The following PTPRG variants were observed in gnomAD, a reference collection of about 807,000 sequenced individuals.
The protein encoded by PTPRG is protein tyrosine phosphatase receptor type G.
In PTPRG, 102 loss-of-function variants were observed where a neutral mutation model predicts 165.3. That is an observed-to-expected ratio of 0.62 (90% confidence interval 0.53 to 0.73). The LOEUF (loss-of-function observed/expected upper bound fraction) is 0.73, where lower values mean the gene tolerates loss of function less well. Among genes scored for constraint, PTPRG ranks in the 30% least tolerant of loss-of-function variants. PTPRG has a pLI of 0.00. For synonymous variants in PTPRG, 675 were observed against 669.5 expected (o/e 1.01, Z -0.13); for missense variants, 1,866 against 1,861.4 (o/e 1.00, Z -0.05).
chr3:62,181,892 C>T (rs1457327167), intron 8 of PTPRG, among the ~76,000 whole-genome samples: 1 of 152,096 alleles, frequency 6.6e-6, no homozygotes, highest in African/African-American at 2.4e-5. Context: ...TCCTGAACAC[C>T]ATGGAGATTG....
intron 1 of PTPRG, among the ~76,000 whole-genome samples, chr3:61,657,250 C>T (rs1281963080): frequency 6.6e-6 from 1 of 152,084 alleles, no homozygotes; most frequent in African/African-American, 2.4e-5. Flanking sequence ...CGTTCCTTTC[C>T]TCTGGGCATG....
intron 4 of PTPRG, among the ~76,000 whole-genome samples, chr3:62,073,198 C>G (rs1043608644): frequency 6.6e-6 from 1 of 152,112 alleles, no homozygotes; most frequent in Admixed American, 6.5e-5. Flanking sequence ...AAAGCAATTC[C>G]TTACTCTAGA....
Position 62,191,654 on chromosome 3 carries a change from G to C in PTPRG, c.1218+1G>C. 1 of 1,613,658 alleles carries C rather than the reference G, an allele frequency of 6.2e-7. No individual in the cohort carries two copies. On this transcript the variant is annotated splice_donor_variant, in intron 9 of 29. Transcript: ENST00000474889. LOFTEE classifies it high-confidence loss of function. ...TACAAAGGACAGCGACAAAGACTTG[G>C]TATGAAGCCCCTCCTCTGATTCAGG...
rs532062626 is a variant in PTPRG at position 61,562,121 on chromosome 3, C to T, written c.-167C>T. Reference sequence around the variant, plus strand: ...TTTTTGAGATTTTCCGGGGGGCGCTCGGCGGCTTCCCGGATTCCAAGGGGA... The same window carrying T: ...TTTTTGAGATTTTCCGGGGGGCGCTTGGCGGCTTCCCGGATTCCAAGGGGA... On this transcript the variant is annotated 5_prime_UTR_variant, in exon 1 of 30. Transcript: ENST00000474889. 112 of 534,540 alleles carry T rather than the reference C, an allele frequency of 2.1e-4. 1 individual carries two copies. Among genetic ancestry groups the T allele is most frequent in the Middle Eastern group, 5.4e-4 (1 of 1,866 alleles). 33.1% of individuals were successfully genotyped at this position (534,540 alleles called of 1,614,324 possible). A position where few individuals can be genotyped will look rare whatever the true frequency, so the allele number is the denominator to read the frequency against.
rs375427063 is a variant in PTPRG, at chr3:62,136,610, G to A, written c.682+3942G>A. ...CCTAAATCTCATCTTGAATTCCCAC[G>A]TGTTGTGGGAGGGACCCAGTGGGAG... On this transcript the variant is annotated intron_variant, in intron 6 of 29. Transcript: ENST00000474889. Among the ~76,000 whole-genome samples the A allele has an allele frequency of 1.1e-3, 160 of 152,288 alleles. 5 individuals carry two copies. In the South Asian group the frequency reaches 0.03, roughly 29 times the overall value.
chr3:61,940,633 T>C lies in PTPRG; in HGVS notation c.191-48992T>C, dbSNP rs553798237. ...TTATTCTGGTTTTTATTGATTTCTA[T>C]GGATTCAGTAGATGCTTTTATTTAT... On this transcript the variant is annotated intron_variant, in intron 2 of 29. Coordinates refer to ENST00000474889, the MANE Select transcript of PTPRG (RefSeq NM_002841.4). Among the ~76,000 whole-genome samples the C allele has an allele frequency of 2.0e-5, 3 of 152,088 alleles. No individual in the cohort carries two copies. The East Asian group carries it at 5.8e-4, about 29-fold the overall frequency.
At chr3:62,183,502 T>TGCA (rs1467149455) in intron 8 of PTPRG, among the ~76,000 whole-genome samples, 1 of 150,822 alleles carries the variant, frequency 6.6e-6, no homozygotes, top group African/African-American at 2.4e-5. Context: ...AGGCAGAGGT[T>TGCA]GCAGTGAGCC....
chr3:62,118,445 A>G (rs1702942741), intron 5 of PTPRG: 1 of 152,214 alleles, frequency 6.6e-6, no homozygotes, highest in Non-Finnish European at 1.5e-5. Flanking sequence ...GACTTGGAAG[A>G]CCTTGTGTTT....
intron 5 of PTPRG, among the ~76,000 whole-genome samples, chr3:62,125,429 G>A (rs1252468345): frequency 6.6e-6 from 1 of 152,124 alleles, no homozygotes; most frequent in African/African-American, 2.4e-5. Context: ...TCCAGGGAAT[G>A]AAAAAACAAG....
chr3:62,258,839 T>G (rs1235581994), intron 16 of PTPRG, among the ~76,000 whole-genome samples: 1 of 152,174 alleles, frequency 6.6e-6, no homozygotes, highest in African/African-American at 2.4e-5. Context: ...AGGGAGTAGT[T>G]TCCCAGAGTA....
intron 6 of PTPRG, among the ~76,000 whole-genome samples, chr3:62,147,674 G>C (rs2106665708): frequency 6.6e-6 from 1 of 152,294 alleles, no homozygotes; most frequent in Middle Eastern, 3.4e-3. Flanking sequence ...TATACCAATA[G>C]CTACTGTGCT....
chr3:62,113,489 A>G (rs186371288), intron 5 of PTPRG, among the ~76,000 whole-genome samples: 1 of 152,354 alleles, frequency 6.6e-6, no homozygotes, highest in Admixed American at 6.5e-5. Flanking sequence ...TCCAAATCGT[A>G]AAATACACAT....
intron 2 of PTPRG, among the ~76,000 whole-genome samples, chr3:61,894,364 G>C (rs1220512445): frequency 6.8e-6 from 1 of 147,466 alleles, no homozygotes; most frequent in Non-Finnish European, 1.5e-5. Flanking sequence ...TGGTGCTGGA[G>C]GAGTTGGAAA....
At chr3:61,564,597 T>A (rs968611862) in intron 1 of PTPRG, among the ~76,000 whole-genome samples, 1 of 152,090 alleles carries the variant, frequency 6.6e-6, no homozygotes, top group African/African-American at 2.4e-5. Context: ...GGCGGTTTGG[T>A]TTGGAAAAGT....
rs545670560 is a variant in PTPRG at position 61,631,923 on chromosome 3, A to G, written c.85+69551A>G. ...AAATAATCAATTGCTGTAAAATGATATAGATGCTCTGATTGTAGCCTGGAT... is the reference window on the plus strand; with the variant it reads ...AAATAATCAATTGCTGTAAAATGATGTAGATGCTCTGATTGTAGCCTGGAT... On this transcript the variant is annotated intron_variant, in intron 1 of 29. Coordinates refer to ENST00000474889, the MANE Select transcript of PTPRG (RefSeq NM_002841.4). 2.0e-5 allele frequency among the ~76,000 whole-genome samples: 3 copies of G among 152,350 alleles called. No individual in the cohort carries two copies. In the South Asian group the frequency reaches 6.2e-4, roughly 32 times the overall value.
At position 62,003,460 on chromosome 3, in the gene PTPRG, C is replaced by G; in HGVS notation, c.482C>G (p.Ser161Cys). ...HWGHSNGSAG[S>C]EHSINGRRFP... is the part of the protein sequence containing the mutation. ...GGCCACAGCAATGGCTCAGCGGGCT[C>G]TGAACACAGCATCAATGGCAGGAGG... Residue 161 changes from serine to cysteine, a missense_variant, in exon 4 of 30, where the codon TCT becomes TGT. By Grantham distance (112) the Ser-to-Cys change is moderately radical (BLOSUM62 -1). Transcript: ENST00000474889. 1 of 1,614,054 alleles carries G rather than the reference C, an allele frequency of 6.2e-7. No homozygotes were observed. Among genetic ancestry groups the G allele is most frequent in the Non-Finnish European group, 8.5e-7 (1 of 1,179,942 alleles).
chr3:61,598,593 C>T (rs1244427273), intron 1 of PTPRG, among the ~76,000 whole-genome samples: 3 of 152,100 alleles, frequency 2.0e-5, no homozygotes, highest in African/African-American at 7.2e-5. Flanking sequence ...AGATGTGATG[C>T]CATTGAGTGG....
chr3:62,028,966 A>C (rs1313553414), intron 4 of PTPRG, among the ~76,000 whole-genome samples: 1 of 152,182 alleles, frequency 6.6e-6, no homozygotes, highest in African/African-American at 2.4e-5. Flanking sequence ...CGACAACCTC[A>C]TTGGTCCATC....
intron 2 of PTPRG, among the ~76,000 whole-genome samples, chr3:61,931,181 T>A (rs961534869): frequency 8.5e-5 from 13 of 152,212 alleles, no homozygotes; most frequent in African/African-American, 3.1e-4. Context: ...CAGCACTCAC[T>A]GCTGGGCCAC....
Sources: gnomAD v4.1 joint callset for allele counts (sites outside exome capture counted in the v4.1 genomes callset) on GRCh38, gnomAD v4.1.1 for gene constraint, MANE v1.5 for transcripts, NCBI Gene and HGNC (gene_info 2026-07-23, HGNC 2026-07-21) for gene names.